The following SPEF2 variants were observed in gnomAD, a reference collection of about 807,000 sequenced individuals.
SPEF2 encodes sperm flagellar and cilia associated 2, also known as sperm flagella and cilia-associated protein 2.
In SPEF2, 187 loss-of-function variants were observed where a neutral mutation model predicts 224.6. The observed-to-expected ratio is 0.83, with a 90% confidence interval of 0.74 to 0.94. The LOEUF (loss-of-function observed/expected upper bound fraction) is 0.94, where lower values mean the gene tolerates loss of function less well. SPEF2 is among the 40% of genes least tolerant of loss of function. SPEF2 has a pLI of 0.00. For missense variants in SPEF2, 2,170 were observed against 2,135.6 expected, an observed-to-expected ratio of 1.02 and a Z score of -0.32; for synonymous variants, 715 against 707.3, an observed-to-expected ratio of 1.01 and a Z score of -0.17.
chr5:35,716,145 G>A (rs1365615776), intron 20 of SPEF2, among the ~76,000 whole-genome samples: 1 of 151,624 alleles, frequency 6.6e-6, no homozygotes, highest in Non-Finnish European at 1.5e-5. Flanking sequence ...ATTCTCAAAT[G>A]TCCAAACATT....
chr5:35,689,663 T>A (rs1412724270), intron 10 of SPEF2, among the ~76,000 whole-genome samples: 2 of 152,202 alleles, frequency 1.3e-5, no homozygotes, highest in African/African-American at 4.8e-5. Context: ...TGCACCCATA[T>A]TGCTGCTAAG....
intron 30 of SPEF2, among the ~76,000 whole-genome samples, chr5:35,787,349 C>T (rs1390059133): frequency 6.6e-6 from 1 of 151,430 alleles, no homozygotes; most frequent in Non-Finnish European, 1.5e-5. Flanking sequence ...ATGTCCAAGG[C>T]AGACCTTGCA....
At chr5:35,804,328 G>T (rs1001743765) in intron 34 of SPEF2, among the ~76,000 whole-genome samples, 2 of 152,194 alleles carry the variant, frequency 1.3e-5, no homozygotes, top group African/African-American at 4.8e-5. Flanking sequence ...ACCACAGTCT[G>T]TTCCCCTGCT....
chr5:35,676,342 GAGCCAGC>G (rs1752008461), intron 10 of SPEF2, among the ~76,000 whole-genome samples: 1 of 152,100 alleles, frequency 6.6e-6, no homozygotes, highest in Admixed American at 6.5e-5. Flanking sequence ...GCAACTACAG[GAGCCAGC>G]TTCTATGCAT....
intron 30 of SPEF2, chr5:35,788,436 A>G (rs1205305270): frequency 4.3e-6 from 3 of 702,692 alleles, no homozygotes; most frequent in Non-Finnish European, 7.8e-6. Context: ...AAATTAGAAA[A>G]AAGTAAATTT....
At chr5:35,681,997 G>T (rs1752888776) in intron 10 of SPEF2, among the ~76,000 whole-genome samples, 2 of 152,154 alleles carry the variant, frequency 1.3e-5, no homozygotes, top group South Asian at 4.1e-4. Flanking sequence ...GAAAATTGAG[G>T]ATTGTTAATG....
At chr5:35,686,798 T>C (rs1289109957) in intron 10 of SPEF2, among the ~76,000 whole-genome samples, 1 of 152,092 alleles carries the variant, frequency 6.6e-6, no homozygotes, top group Admixed American at 6.6e-5. Flanking sequence ...CCACCATTTT[T>C]CTGTTATTTT....
At chr5:35,652,205 T>G (rs900848982) in intron 6 of SPEF2, among the ~76,000 whole-genome samples, 5 of 151,934 alleles carry the variant, frequency 3.3e-5, no homozygotes, top group Non-Finnish European at 5.9e-5. Flanking sequence ...TAATGTGTAG[T>G]TTTTTTTCAC....
intron 33 of SPEF2, among the ~76,000 whole-genome samples, chr5:35,798,144 G>A (rs1309548510): frequency 6.6e-6 from 1 of 152,166 alleles, no homozygotes; most frequent in African/African-American, 2.4e-5. Context: ...ACGGCCTCGT[G>A]ATAGGTCTCC....
chr5:35,766,669 G>A (rs549231890), intron 26 of SPEF2, among the ~76,000 whole-genome samples: 16 of 150,686 alleles, frequency 1.1e-4, no homozygotes, highest in Non-Finnish European at 2.1e-4. Context: ...TATTTTCCTC[G>A]TGCTATTTTC....
At chr5:35,675,115 G>C (rs1018133686) in intron 10 of SPEF2, among the ~76,000 whole-genome samples, 1 of 152,204 alleles carries the variant, frequency 6.6e-6, no homozygotes, top group African/African-American at 2.4e-5. Flanking sequence ...GAGGAATACA[G>C]CTGACCTCTA....
intron 36 of SPEF2, among the ~76,000 whole-genome samples, chr5:35,813,438 G>T (rs1039417233): frequency 3.3e-5 from 5 of 152,124 alleles, no homozygotes; most frequent in Admixed American, 6.6e-5. Context: ...GCTGCAGTGA[G>T]CTATGGTCAT....
chr5:35,692,643 AG>A lies in SPEF2; in HGVS notation c.1819del (p.Val607SerfsTer72). On this transcript the variant is annotated frameshift_variant, in exon 12 of 37. Transcript: ENST00000356031. LOFTEE classifies it high-confidence loss of function. ...AIQAFHDNEK[V>X]SEVLPIQKND... ...TCCAAGCATTTCATGACAATGAAAA[AG>A]TCAGTGAGGTTCTACCAATTCAGAA... The A allele has an allele frequency of 6.2e-7, 1 of 1,613,660 alleles. No individual in the cohort carries two copies. The highest frequency in any genetic ancestry group is 8.5e-7 in the Non-Finnish European group (1 of 1,179,616).
chr5:35,738,500 G>T (rs1050524748), intron 21 of SPEF2, among the ~76,000 whole-genome samples: 1 of 150,352 alleles, frequency 6.7e-6, no homozygotes, highest in Non-Finnish European at 1.5e-5. Context: ...TTTTTGTCAG[G>T]TTTGTCAAAG....
intron 33 of SPEF2, among the ~76,000 whole-genome samples, chr5:35,798,832 A>C (rs1168493578): frequency 6.6e-6 from 1 of 151,970 alleles, no homozygotes; most frequent in African/African-American, 2.4e-5. Flanking sequence ...TTGGAGTTGG[A>C]GTGATCTGCC....
intron 23 of SPEF2, among the ~76,000 whole-genome samples, chr5:35,746,367 A>G (rs1007670709): frequency 6.6e-6 from 1 of 152,242 alleles, no homozygotes; most frequent in Non-Finnish European, 1.5e-5. Context: ...TTATTAAGCT[A>G]ATCAGGGAGG....
At chr5:35,753,855 C>A in intron 24 of SPEF2, 94 bp downstream of exon 24, 1 of 1,474,822 alleles carries the variant, frequency 6.8e-7, no homozygotes. Flanking sequence ...TATGAGAGGT[C>A]TGTTCAGGGC....
At chr5:35,773,263 C>A (rs1254149219) in intron 27 of SPEF2, among the ~76,000 whole-genome samples, 5 of 152,010 alleles carry the variant, frequency 3.3e-5, no homozygotes, top group Non-Finnish European at 7.4e-5. Flanking sequence ...ATCTGTAGTC[C>A]CAGCTACTAG....
chr5:35,733,184 G>A (rs1745946835), intron 21 of SPEF2, among the ~76,000 whole-genome samples: 1 of 151,474 alleles, frequency 6.6e-6, no homozygotes, highest in Non-Finnish European at 1.5e-5. Flanking sequence ...GCATGATCTT[G>A]GCTCACTGCA....
Sources: allele counts gnomAD v4.1 joint callset (sites outside exome capture counted in the v4.1 genomes callset), GRCh38; gene constraint gnomAD v4.1.1; transcripts MANE v1.5; gene names NCBI Gene and HGNC (gene_info 2026-07-23, HGNC 2026-07-21).